Variants in REL observed in about 807,000 individuals in gnomAD.
REL encodes the protein proto-oncogene c-Rel.
REL carries 15 observed loss-of-function variants against 45.9 expected under a neutral mutation model. That is an observed-to-expected ratio of 0.33 (90% CI 0.22 to 0.50). The LOEUF is 0.50. REL is among the 20% of genes least tolerant of loss of function. REL has a pLI of 0.98. For missense variants in REL, 601 were observed against 715.2 expected, an observed-to-expected ratio of 0.84 and a Z score of 1.82; for synonymous variants, 239 against 242.1, an observed-to-expected ratio of 0.99 and a Z score of 0.12.
intron 1 of REL, among the ~76,000 whole-genome samples, chr2:60,887,930 G>T (rs1673109558): frequency 6.7e-6 from 1 of 149,458 alleles, no homozygotes; most frequent in Non-Finnish European, 1.5e-5. Flanking sequence ...TTTGTGTTTT[G>T]TTTGTTTTTT....
chr2:60,912,218 A>G (rs1447874030), intron 4 of REL, among the ~76,000 whole-genome samples: 1 of 152,136 alleles, frequency 6.6e-6, no homozygotes, highest in Non-Finnish European at 1.5e-5. Context: ...TTGAGAGCCC[A>G]GAAGAGACTC....
chr2:60,902,072 T>G lies in REL; in HGVS notation c.394+989T>G, dbSNP rs562954199. Reference sequence around the variant, plus strand: ...AGAGTAGCCTCCATTCTGAAGTCTTTGCAGCTACTTAAATATGCAGAAGTC... The same window carrying G: ...AGAGTAGCCTCCATTCTGAAGTCTTGGCAGCTACTTAAATATGCAGAAGTC... On this transcript the variant is annotated intron_variant, in intron 4 of 9. Transcript: ENST00000394479. 9.3e-4 allele frequency among the ~76,000 whole-genome samples: 141 copies of G among 152,290 alleles called. 3 individuals carry two copies. The highest frequency in any genetic ancestry group is 6.8e-3 in the Middle Eastern group (2 of 294).
intron 4 of REL, among the ~76,000 whole-genome samples, chr2:60,902,558 A>G (rs1203787281): frequency 7.5e-6 from 1 of 133,082 alleles, no homozygotes. Context: ...AGAATATTTT[A>G]TTGTTTGGGT....
At chr2:60,882,323 C>T (rs1038896507) in intron 1 of REL, among the ~76,000 whole-genome samples, 1 of 152,144 alleles carries the variant, frequency 6.6e-6, no homozygotes, top group African/African-American at 2.4e-5. Context: ...TAAAAATCAT[C>T]CGTGGTATTT....
Position 60,922,177 on chromosome 2 carries a change from C to G in REL, c.1406C>G (p.Thr469Ser), listed in dbSNP as rs745486876. 1 of 1,614,080 alleles carries G rather than the reference C, an allele frequency of 6.2e-7. No homozygotes were observed. The highest frequency in any genetic ancestry group is 8.5e-7 in the Non-Finnish European group (1 of 1,179,974). ...LSNCSVNMMT[T>S]SSDSMGETDN... ...AATTGTTCTGTGAATATGATGACAA[C>G]CAGCAGTGACAGCATGGGAGAGACT... The change falls in exon 10 of 10, where the codon ACC becomes AGC. Residue 469 changes from threonine (T) to serine (S), a missense_variant. Physicochemically the swap from Thr to Ser is moderately conservative, Grantham distance 58. Coordinates refer to ENST00000394479, the MANE Select transcript of REL (RefSeq NM_001291746.2).
chr2:60,915,107 A>G (rs1187456282), intron 4 of REL, among the ~76,000 whole-genome samples: 1 of 152,092 alleles, frequency 6.6e-6, no homozygotes, highest in African/African-American at 2.4e-5. Context: ...CTGGGATTAC[A>G]GGTGTGAGCC....
rs565256755 is a variant in REL, at chr2:60,926,907, A to G, written c.*4372A>G. ...TTCCATATGTTCCAGTTAAAATACCATGTTCTCCCTATTCCTTATTACATA... is the reference window on the plus strand; with the variant it reads ...TTCCATATGTTCCAGTTAAAATACCGTGTTCTCCCTATTCCTTATTACATA... On this transcript the variant is annotated 3_prime_UTR_variant, in exon 10 of 10. Transcript: ENST00000394479. The G allele has an allele frequency of 5.5e-4, 123 of 225,530 alleles. No individual in the cohort carries two copies. The highest frequency in any genetic ancestry group is 2.6e-3 in the African/African-American group (116 of 44,902). 14.0% of individuals were successfully genotyped at this position (225,530 alleles called of 1,614,324 possible).
intron 3 of REL, among the ~76,000 whole-genome samples, chr2:60,898,654 T>G (rs1428631995): frequency 6.6e-6 from 1 of 152,278 alleles, no homozygotes; most frequent in African/African-American, 2.4e-5. Context: ...GTTTGGGGTT[T>G]TGCAAGCTGT....
At chr2:60,886,187 A>C (rs1673068088) in intron 1 of REL, among the ~76,000 whole-genome samples, 1 of 152,202 alleles carries the variant, frequency 6.6e-6, no homozygotes, top group Non-Finnish European at 1.5e-5. Context: ...TCTGGGCTTT[A>C]AAAACTATGA....
chr2:60,927,271 A>C lies in REL; in HGVS notation c.*4736A>C, dbSNP rs1331758334. The C allele has an allele frequency of 4.4e-6, 1 of 229,704 alleles. No homozygotes were observed. Among genetic ancestry groups the C allele is most frequent in the African/African-American group, 2.2e-5 (1 of 45,140 alleles). 14.2% of individuals were successfully genotyped at this position (229,704 alleles called of 1,614,324 possible). A position where few individuals can be genotyped will look rare whatever the true frequency, so the allele number is the denominator to read the frequency against. On this transcript the variant is annotated 3_prime_UTR_variant, in exon 10 of 10. Coordinates refer to ENST00000394479, the MANE Select transcript of REL (RefSeq NM_001291746.2). ...TAAAATGTATATGGAAATGATTTTT[A>C]AAGGGAAAGGTAATGATTTTCTGGC...
At chr2:60,916,312 G>GA (rs1673960747) in intron 4 of REL, among the ~76,000 whole-genome samples, 1 of 152,190 alleles carries the variant, frequency 6.6e-6, no homozygotes, top group Non-Finnish European at 1.5e-5. Flanking sequence ...TACTCAGGAG[G>GA]CTGAGATGGG....
Position 60,894,497 on chromosome 2 carries a change from G to C in REL, c.254G>C (p.Arg85Thr). 6.2e-7 allele frequency: 1 copy of C among 1,607,730 alleles called. No homozygotes were observed. Among genetic ancestry groups the C allele is most frequent in the Non-Finnish European group, 8.5e-7 (1 of 1,176,896 alleles). Residue 85 changes from arginine to threonine, a missense_variant, in exon 3 of 10, where the codon AGA becomes ACA. Arg to Thr is a moderately conservative substitution (Grantham distance 71, BLOSUM62 -1). This residue lies in a region of REL where 241 missense variants were observed against 347.0 expected (regional missense o/e 0.69). Transcript: ENST00000394479. ...CATGATTTAGTTGGAAAAGACTGCA[G>C]AGACGGCTACTATGAAGCAGAATTT... Reference protein sequence around the residue: ...HPHDLVGKDCRDGYYEAEFGQ... With the variant: ...HPHDLVGKDCTDGYYEAEFGQ...
intron 6 of REL, 31 bp from the exon 7 acceptor site, chr2:60,918,363 A>G: frequency 2.3e-6 from 3 of 1,310,698 alleles, no homozygotes; most frequent in East Asian, 2.5e-5. Context: ...TTGTTTTCCC[A>G]TTTTTTTTTT....
At chr2:60,884,282 C>T (rs1673018142) in intron 1 of REL, among the ~76,000 whole-genome samples, 1 of 151,782 alleles carries the variant, frequency 6.6e-6, no homozygotes, top group African/African-American at 2.4e-5. Context: ...TATGTGATAG[C>T]TATAATGTAA....
At chr2:60,913,778 T>C (rs1202881670) in intron 4 of REL, among the ~76,000 whole-genome samples, 1 of 152,188 alleles carries the variant, frequency 6.6e-6, no homozygotes, top group East Asian at 1.9e-4. Flanking sequence ...CTAATGTCAT[T>C]AGAGAAATTT....
At position 60,930,051 on chromosome 2, in the gene REL, G is replaced by C. The variant is rs1221522159; in HGVS notation, c.*7516G>C. On this transcript the variant is annotated 3_prime_UTR_variant, in exon 10 of 10. Coordinates refer to ENST00000394479, the MANE Select transcript of REL (RefSeq NM_001291746.2). ...GCCGCCTAATGGCATCAAATAATTT[G>C]TTATATCTTTAATTTATTGAAGGAT... The C allele has an allele frequency of 2.0e-5, 3 of 151,634 alleles. No homozygotes were observed. The highest frequency in any genetic ancestry group is 2.9e-5 in the Non-Finnish European group (2 of 67,896). The allele number at this position is 151,634 out of a possible 1,614,324, so 9.4% of individuals were successfully genotyped here. A position where few individuals can be genotyped will look rare whatever the true frequency, so the allele number is the denominator to read the frequency against.
chr2:60,896,067 A>G (rs1220501294), intron 3 of REL, among the ~76,000 whole-genome samples: 1 of 150,882 alleles, frequency 6.6e-6, no homozygotes, highest in East Asian at 1.9e-4. Flanking sequence ...AAGTGGTGTG[A>G]TTTCGGCTCA....
intron 4 of REL, among the ~76,000 whole-genome samples, chr2:60,904,155 C>G (rs182218907): frequency 3.9e-5 from 6 of 151,956 alleles, no homozygotes. Flanking sequence ...GTAATCCCAG[C>G]ACTTTGGGAG....
At chr2:60,907,490 G>T (rs1673693695) in intron 4 of REL, among the ~76,000 whole-genome samples, 1 of 151,748 alleles carries the variant, frequency 6.6e-6, no homozygotes, top group Non-Finnish European at 1.5e-5. Flanking sequence ...CAAAAAATTG[G>T]CTGGGCATGG....
Sources: gnomAD v4.1 joint callset for allele counts (sites outside exome capture counted in the v4.1 genomes callset) on GRCh38, gnomAD v4.1.1 for gene constraint, gnomAD v4.1.1 regional missense constraint, MANE v1.5 for transcripts, NCBI Gene and HGNC (gene_info 2026-07-23, HGNC 2026-07-21) for gene names.